The following KANK1 variants were observed in gnomAD, a reference collection of about 807,000 sequenced individuals.
KANK1 encodes the protein KN motif and ankyrin repeat domains 1, also known as KN motif and ankyrin repeat domain-containing protein 1.
Under a neutral mutation model 106.2 loss-of-function variants are expected in KANK1, and 109 were observed. The ratio of observed to expected loss-of-function variants is 1.03; its 90% CI spans 0.88 to 1.20. The LOEUF is 1.20. Ranked by LOEUF, KANK1 falls within the 50% of genes most tolerant of loss-of-function variation. The probability of loss-of-function intolerance (pLI) is 0.00; values close to 1 mark genes in which losing one functional copy is unlikely to be tolerated. For synonymous variants in KANK1, 873 were observed against 652.2 expected (o/e 1.34, Z -5.16); for missense variants, 2,399 against 1,710.7 (o/e 1.40, Z -7.10).
chr9:545,026 A>G (rs72689624), intron 1 of KANK1, among the ~76,000 whole-genome samples: 11,486 of 151,890 alleles, frequency 0.076, 539 homozygotes, highest in African/African-American at 0.11. Context: ...GCCTGAGCTG[A>G]CCTTGGGGCT....
intron 1 of KANK1, among the ~76,000 whole-genome samples, chr9:522,214 TC>T (rs1428697899): frequency 6.6e-6 from 1 of 151,844 alleles, no homozygotes; most frequent in Non-Finnish European, 1.5e-5. Flanking sequence ...GATTCTGTTT[TC>T]CCTTTTGCTG....
chr9:644,574 T>C (rs976680046), intron 1 of KANK1, among the ~76,000 whole-genome samples: 1 of 150,370 alleles, frequency 6.7e-6, no homozygotes, highest in Non-Finnish European at 1.5e-5. Flanking sequence ...CTACACGCTT[T>C]TAAATAACCA....
At chr9:521,528 G>A (rs1014830692) in intron 1 of KANK1, among the ~76,000 whole-genome samples, 46 of 150,472 alleles carry the variant, frequency 3.1e-4, no homozygotes, top group Middle Eastern at 3.4e-3. Flanking sequence ...CAAACACTGG[G>A]CACTTGGAAT....
chr9:532,866 A>G (rs763986991), intron 1 of KANK1, among the ~76,000 whole-genome samples: 1 of 152,152 alleles, frequency 6.6e-6, no homozygotes, highest in Non-Finnish European at 1.5e-5. Context: ...TCTTGGCAAG[A>G]AAGCAAAGCT....
chr9:551,414 C>T (rs748083961), intron 1 of KANK1, among the ~76,000 whole-genome samples: 5 of 151,932 alleles, frequency 3.3e-5, no homozygotes, highest in African/African-American at 1.2e-4. Context: ...TCAGAGGGTC[C>T]GCAGTTGTTT....
intron 1 of KANK1, among the ~76,000 whole-genome samples, chr9:638,076 C>G (rs957792093): frequency 6.6e-6 from 1 of 152,150 alleles, no homozygotes; most frequent in African/African-American, 2.4e-5. Flanking sequence ...AATAGCCAAG[C>G]TTATGCAGTA....
At chr9:726,122 C>G (rs922475211) in intron 3 of KANK1, among the ~76,000 whole-genome samples, 3 of 152,050 alleles carry the variant, frequency 2.0e-5, no homozygotes, top group African/African-American at 7.2e-5. Flanking sequence ...GCAATGAGAA[C>G]AAAACCTCTT....
At chr9:670,244 C>A (rs1199930353) in intron 1 of KANK1, among the ~76,000 whole-genome samples, 1 of 152,086 alleles carries the variant, frequency 6.6e-6, no homozygotes, top group Admixed American at 6.5e-5. Flanking sequence ...TTGCTTTATA[C>A]ATTTGGGGAG....
intron 1 of KANK1, among the ~76,000 whole-genome samples, chr9:524,752 G>A (rs1217021353): frequency 1.3e-5 from 2 of 151,522 alleles, no homozygotes; most frequent in African/African-American, 4.9e-5. Context: ...CCTGACCTCA[G>A]GTGATCTGCT....
intron 1 of KANK1, among the ~76,000 whole-genome samples, chr9:672,517 C>A (rs1157800952): frequency 1.3e-5 from 2 of 152,092 alleles, no homozygotes; most frequent in African/African-American, 2.4e-5. Context: ...AGTAAGAGGT[C>A]TATTAACATT....
chr9:621,313 T>C (rs1285014466), intron 1 of KANK1, among the ~76,000 whole-genome samples: 1 of 152,200 alleles, frequency 6.6e-6, no homozygotes, highest in Non-Finnish European at 1.5e-5. Flanking sequence ...AATTTGGCCT[T>C]ATGAAGCATT....
chr9:639,895 T>C (rs917811288), intron 1 of KANK1, among the ~76,000 whole-genome samples: 2 of 152,148 alleles, frequency 1.3e-5, no homozygotes, highest in African/African-American at 4.8e-5. Flanking sequence ...GCTAACAAGC[T>C]TCCTCAAACC....
At chr9:474,687 T>A (rs1456439687) in intron 3 of KANK1, among the ~76,000 whole-genome samples, 2 of 152,160 alleles carry the variant, frequency 1.3e-5, no homozygotes, top group Non-Finnish European at 1.5e-5. Context: ...ATGGCCACTT[T>A]CCCTCATTAT....
At chr9:634,620 CA>C (rs1281755612) in intron 1 of KANK1, among the ~76,000 whole-genome samples, 1 of 152,148 alleles carries the variant, frequency 6.6e-6, no homozygotes, top group Non-Finnish European at 1.5e-5. Context: ...GCAGTTTCAG[CA>C]CCTGAACAAG....
chr9:616,299 G>A (rs371036394), intron 1 of KANK1, among the ~76,000 whole-genome samples: 1 of 152,120 alleles, frequency 6.6e-6, no homozygotes, highest in African/African-American at 2.4e-5. Context: ...CAGCATTTAG[G>A]TGATACTGTA....
At chr9:593,032 G>T (rs779186121) in intron 1 of KANK1, among the ~76,000 whole-genome samples, 5 of 151,824 alleles carry the variant, frequency 3.3e-5, no homozygotes, top group Non-Finnish European at 7.4e-5. Context: ...GACTTAGGGA[G>T]TTGTACTATT....
At chr9:621,078 C>T (rs1388824405) in intron 1 of KANK1, among the ~76,000 whole-genome samples, 1 of 152,148 alleles carries the variant, frequency 6.6e-6, no homozygotes, top group African/African-American at 2.4e-5. Context: ...TACTAGAAAT[C>T]TAAGCTATTC....
In KANK1 at chr9:719,688, A is replaced by G. The variant is rs563609269; in HGVS notation, c.2698+6224A>G. Among the ~76,000 whole-genome samples the G allele has an allele frequency of 2.6e-5, 4 of 152,340 alleles. No individual in the cohort carries two copies. In the South Asian group the frequency reaches 8.3e-4, roughly 32 times the overall value. On this transcript the variant is annotated intron_variant, in intron 3 of 11. Coordinates refer to ENST00000382297, the MANE Select transcript of KANK1 (RefSeq NM_015158.5). ...CCCATTCTGGACAGATAAATGTTAC[A>G]CAGAAGACTGGAGAATTGATCTCTT... is the stretch of plus-strand genomic sequence containing the variant.
chr9:662,226 A>G (rs1843491134), intron 1 of KANK1, among the ~76,000 whole-genome samples: 2 of 152,180 alleles, frequency 1.3e-5, no homozygotes, highest in Non-Finnish European at 2.9e-5. Context: ...AGGAAGAATC[A>G]ATATTGTGAA....
Sources: gnomAD v4.1 joint callset for allele counts (sites outside exome capture counted in the v4.1 genomes callset) on GRCh38, gnomAD v4.1.1 for gene constraint, MANE v1.5 for transcripts, NCBI Gene and HGNC (gene_info 2026-07-23, HGNC 2026-07-21) for gene names.